Variants in GAS2 observed in about 807,000 individuals in gnomAD.
GAS2 encodes growth arrest-specific protein 2.
A neutral mutation model predicts 37.5 loss-of-function variants in GAS2; 20 were observed. The ratio of observed to expected loss-of-function variants is 0.53; its 90% CI spans 0.37 to 0.77. GAS2 has a LOEUF of 0.77. Ranked by LOEUF, GAS2 falls within the 30% of genes least tolerant of loss-of-function variation. The pLI is 0.00. For synonymous variants in GAS2, 144 were observed against 132.2 expected, an observed-to-expected ratio of 1.09 and a Z score of -0.61; for missense variants, 336 against 373.4, an observed-to-expected ratio of 0.90 and a Z score of 0.82.
At chr11:22,744,752 A>C (rs1853288065) in intron 5 of GAS2, among the ~76,000 whole-genome samples, 1 of 152,172 alleles carries the variant, frequency 6.6e-6, no homozygotes, top group Non-Finnish European at 1.5e-5. Flanking sequence ...GGGGAATGAG[A>C]CAAGGATGCC....
At chr11:22,676,708 T>G (rs1312770916) in intron 2 of GAS2, among the ~76,000 whole-genome samples, 1 of 152,170 alleles carries the variant, frequency 6.6e-6, no homozygotes, top group Non-Finnish European at 1.5e-5. Context: ...CTTAATTTGA[T>G]TTTGTGCATA....
At chr11:22,669,081 G>C (rs1442216108) in intron 1 of GAS2, among the ~76,000 whole-genome samples, 1 of 152,154 alleles carries the variant, frequency 6.6e-6, no homozygotes, top group Non-Finnish European at 1.5e-5. Context: ...TCCTTTATGT[G>C]AGACCATGTC....
chr11:22,715,237 G>A (rs904328715), intron 3 of GAS2, among the ~76,000 whole-genome samples: 6 of 151,774 alleles, frequency 4.0e-5, no homozygotes, highest in Admixed American at 1.3e-4. Context: ...CAAGGCAGGC[G>A]GATCACCAGG....
intron 7 of GAS2, among the ~76,000 whole-genome samples, chr11:22,792,306 T>C (rs943001931): frequency 1.3e-5 from 2 of 152,194 alleles, no homozygotes; most frequent in African/African-American, 4.8e-5. Flanking sequence ...ATATATATTT[T>C]TTATATCAGA....
intron 7 of GAS2, among the ~76,000 whole-genome samples, chr11:22,795,193 TG>T (rs1856366902): frequency 6.6e-6 from 1 of 152,204 alleles, no homozygotes; most frequent in Non-Finnish European, 1.5e-5. Context: ...TTCTAAATAT[TG>T]TAAAGGATAT....
At chr11:22,695,277 G>C (rs373920587) in intron 3 of GAS2, among the ~76,000 whole-genome samples, 2 of 151,844 alleles carry the variant, frequency 1.3e-5, no homozygotes, top group Non-Finnish European at 2.9e-5. Context: ...CCAAGATCAC[G>C]CCACTGCACT....
At chr11:22,627,774 CA>C (rs111643774) in intron 1 of GAS2, among the ~76,000 whole-genome samples, 1,222 of 74,406 alleles carry the variant, frequency 0.016, 9 homozygotes, top group African/African-American at 0.042. Context: ...GACTCCATCT[CA>C]AAAAAAAAAA....
intron 7 of GAS2, 26 bp downstream of exon 7, chr11:22,755,979 T>C: frequency 6.7e-7 from 1 of 1,482,752 alleles, no homozygotes; most frequent in Admixed American, 1.7e-5. Context: ...TCACTTATCT[T>C]GTTTTTATGG....
intron 1 of GAS2, among the ~76,000 whole-genome samples, chr11:22,636,282 T>C (rs547742875): frequency 6.6e-6 from 1 of 152,284 alleles, no homozygotes; most frequent in South Asian, 2.1e-4. Context: ...AATTAAGATG[T>C]CATTCAAACC....
chr11:22,693,676 T>C (rs958058497), intron 3 of GAS2, among the ~76,000 whole-genome samples: 1 of 152,216 alleles, frequency 6.6e-6, no homozygotes, highest in African/African-American at 2.4e-5. Context: ...AAAAGTGTAC[T>C]AGTTATAGTG....
chr11:22,655,923 A>G (rs1848849013), intron 1 of GAS2, among the ~76,000 whole-genome samples: 1 of 152,164 alleles, frequency 6.6e-6, no homozygotes, highest in Non-Finnish European at 1.5e-5. Flanking sequence ...TTAAGCAAAC[A>G]TTTTGTCTAT....
chr11:22,755,305 A>G (rs758342355), intron 6 of GAS2, among the ~76,000 whole-genome samples: 1 of 152,118 alleles, frequency 6.6e-6, no homozygotes, highest in Non-Finnish European at 1.5e-5. Flanking sequence ...AAATCTGAGT[A>G]TATGAGAGAT....
chr11:22,694,722 C>A (rs1254276012), intron 3 of GAS2, among the ~76,000 whole-genome samples: 2 of 152,096 alleles, frequency 1.3e-5, no homozygotes, highest in Non-Finnish European at 2.9e-5. Flanking sequence ...TATGCTAGCC[C>A]ATTGAATTTG....
intron 7 of GAS2, among the ~76,000 whole-genome samples, chr11:22,770,936 A>C (rs1430394210): frequency 5.3e-5 from 8 of 152,124 alleles, no homozygotes; most frequent in African/African-American, 9.7e-5. Flanking sequence ...TAGGGTCTTC[A>C]TGGTTGTGAC....
At chr11:22,690,456 T>G (rs772439499) in intron 3 of GAS2, among the ~76,000 whole-genome samples, 1 of 152,148 alleles carries the variant, frequency 6.6e-6, no homozygotes, top group Non-Finnish European at 1.5e-5. Flanking sequence ...AGTGGGCCAT[T>G]TTCTAACTCT....
intron 1 of GAS2, among the ~76,000 whole-genome samples, chr11:22,668,683 TA>T (rs1247515243): frequency 6.6e-6 from 1 of 152,290 alleles, no homozygotes; most frequent in African/African-American, 2.4e-5. Context: ...TAACCCTAAG[TA>T]TGTTGTGTGT....
chr11:22,764,561 C>CAAAAAAAAAAAA (rs71311297), intron 7 of GAS2, among the ~76,000 whole-genome samples: 2 of 61,678 alleles, frequency 3.2e-5, no homozygotes, highest in African/African-American at 6.1e-5. Context: ...GACTCCGTCT[C>CAAAAAAAAAAAA]AAAAAAAAAA....
chr11:22,629,593 T>C (rs1216903841), intron 1 of GAS2, among the ~76,000 whole-genome samples: 1 of 152,220 alleles, frequency 6.6e-6, no homozygotes, highest in East Asian at 1.9e-4. Context: ...TTGTTGGCCA[T>C]TTCTGTATCT....
chr11:22,682,726 A>G (rs575613923), intron 2 of GAS2, among the ~76,000 whole-genome samples: 3 of 151,944 alleles, frequency 2.0e-5, no homozygotes, highest in African/African-American at 7.2e-5. Context: ...AAAAATACCA[A>G]AATTAGGTGG....
Sources: gnomAD v4.1 joint callset for allele counts (sites outside exome capture counted in the v4.1 genomes callset) on GRCh38, gnomAD v4.1.1 for gene constraint, MANE v1.5 for transcripts, NCBI Gene and HGNC (gene_info 2026-07-23, HGNC 2026-07-21) for gene names.